Variants in ZNF532 observed in about 807,000 individuals in gnomAD.
The protein encoded by ZNF532 is zinc finger protein 532.
In ZNF532, 22 loss-of-function variants were observed where a neutral mutation model predicts 89.3. That is an observed-to-expected ratio of 0.25 (90% CI 0.18 to 0.35). ZNF532 has a LOEUF of 0.35. Ranked by LOEUF, ZNF532 falls within the 10% of genes least tolerant of loss-of-function variation. ZNF532 has a pLI of 1.00. For missense variants in ZNF532, 1,132 were observed against 1,643.4 expected, an observed-to-expected ratio of 0.69 and a Z score of 5.38; for synonymous variants, 606 against 649.6, an observed-to-expected ratio of 0.93 and a Z score of 1.02.
At chr18:58,904,428 C>CTATATTT (rs2059797803) in intron 2 of ZNF532, among the ~76,000 whole-genome samples, 1 of 151,808 alleles carries the variant, frequency 6.6e-6, no homozygotes, top group Admixed American at 6.6e-5. Context: ...TTAAAAAAAG[C>CTATATTT]TAAATGTACA....
At chr18:58,914,060 C>CA in intron 2 of ZNF532, among the ~76,000 whole-genome samples, 1 of 152,210 alleles carries the variant, frequency 6.6e-6, no homozygotes, top group Non-Finnish European at 1.5e-5. Context: ...AATTTTGTTA[C>CA]AAAGTATGAG....
chr18:58,979,584 C>T (rs559815099), intron 8 of ZNF532: 86 of 154,356 alleles, frequency 5.6e-4, no homozygotes, highest in Admixed American at 1.5e-3. Flanking sequence ...GACGGGGTTT[C>T]ACCGTGTTAG....
intron 2 of ZNF532, among the ~76,000 whole-genome samples, chr18:58,908,470 C>T (rs889073602): frequency 3.3e-5 from 5 of 152,104 alleles, no homozygotes; most frequent in African/African-American, 1.2e-4. Flanking sequence ...AATTCATCAG[C>T]TCCCTGCATC....
chr18:58,890,621 AAAGT>A (rs1399865082), intron 2 of ZNF532, among the ~76,000 whole-genome samples: 3 of 151,206 alleles, frequency 2.0e-5, no homozygotes, highest in Non-Finnish European at 4.4e-5. Flanking sequence ...AGAAATTTAA[AAAGT>A]AAGGAAGGAT....
intron 2 of ZNF532, among the ~76,000 whole-genome samples, chr18:58,914,653 C>G (rs2060483122): frequency 6.6e-6 from 1 of 152,176 alleles, no homozygotes; most frequent in African/African-American, 2.4e-5. Flanking sequence ...GTACTCCAGC[C>G]TGGGTGACAG....
At chr18:58,982,142 A>C (rs914376265) in intron 9 of ZNF532, among the ~76,000 whole-genome samples, 1 of 150,622 alleles carries the variant, frequency 6.6e-6, no homozygotes, top group African/African-American at 2.4e-5. Flanking sequence ...TACTAAAAAA[A>C]TACAATACAA....
At chr18:58,917,986 G>A (rs2060726668) in intron 2 of ZNF532, among the ~76,000 whole-genome samples, 1 of 152,138 alleles carries the variant, frequency 6.6e-6, no homozygotes, top group Non-Finnish European at 1.5e-5. Context: ...GTTTTTCTAG[G>A]CTACAGCAGT....
At position 58,920,258 on chromosome 18, in the gene ZNF532, C is replaced by T. The variant is rs375198211; in HGVS notation, c.1971C>T (p.Asn657=). 28 of 1,613,852 alleles carry T rather than the reference C, an allele frequency of 1.7e-5. No homozygotes were observed. Among genetic ancestry groups the T allele is most frequent in the Non-Finnish European group, 2.3e-5 (27 of 1,179,872 alleles). The stretch of plus-strand genomic sequence containing the variant: ...GTACAAAGAACCTCGTTTTTTACAA[C>T]AAATGCAGCCTCCTTTCCCATGCCC... The part of the protein sequence containing the change: ...NHCTKNLVFY[N]KCSLLSHARG... Residue 657 remains asparagine (N), a synonymous_variant, in exon 3 of 10, where the codon AAC becomes AAT. Coordinates refer to ENST00000591808, the MANE Select transcript of ZNF532 (RefSeq NM_001375912.1).
intron 2 of ZNF532, among the ~76,000 whole-genome samples, chr18:58,884,977 G>C (rs1466707502): frequency 3.9e-5 from 5 of 127,270 alleles, no homozygotes; most frequent in Non-Finnish European, 8.2e-5. Context: ...ACCAGTACAA[G>C]GGTTTTTTTT....
intron 2 of ZNF532, among the ~76,000 whole-genome samples, chr18:58,886,575 G>A (rs1214952423): frequency 2.0e-5 from 3 of 152,072 alleles, no homozygotes; most frequent in Non-Finnish European, 4.4e-5. Flanking sequence ...TTTATGCTAT[G>A]TGTATTTTTA....
At chr18:58,868,796 T>G (rs550315900) in intron 2 of ZNF532, among the ~76,000 whole-genome samples, 1 of 152,372 alleles carries the variant, frequency 6.6e-6, no homozygotes, top group South Asian at 2.1e-4. Context: ...TTTTGCTAAA[T>G]GCAGTCACGT....
intron 2 of ZNF532, among the ~76,000 whole-genome samples, chr18:58,868,816 T>C (rs1031262330): frequency 6.6e-6 from 1 of 152,244 alleles, no homozygotes; most frequent in Non-Finnish European, 1.5e-5. Context: ...TGTCGATTAA[T>C]GCAGGGGTAC....
At chr18:58,916,368 T>G (rs762343032) in intron 2 of ZNF532, among the ~76,000 whole-genome samples, 1 of 152,232 alleles carries the variant, frequency 6.6e-6, no homozygotes, top group African/African-American at 2.4e-5. Flanking sequence ...TCACAGACTT[T>G]CCACTGAATC....
intron 7 of ZNF532, among the ~76,000 whole-genome samples, chr18:58,959,269 T>A (rs1054909351): frequency 6.8e-6 from 1 of 146,666 alleles, no homozygotes; most frequent in African/African-American, 2.6e-5. Context: ...TGTTTTTTTT[T>A]GTTTTTTTTT....
At chr18:58,862,955 G>A (rs2144246019), upstream of ZNF532, 1 of 152,230 alleles carries the variant, frequency 6.6e-6, no homozygotes, top group East Asian at 1.9e-4. Context: ...AGGCGAAAAG[G>A]GCTCCAAACC....
intron 2 of ZNF532, among the ~76,000 whole-genome samples, chr18:58,873,719 A>C (rs1310045092): frequency 2.0e-5 from 3 of 152,136 alleles, no homozygotes; most frequent in Non-Finnish European, 4.4e-5. Context: ...GGGGTGAGCC[A>C]CTGCACCTGG....
At chr18:58,888,697 TTATATATATA>T (rs71336305) in intron 2 of ZNF532, among the ~76,000 whole-genome samples, 1 of 45,336 alleles carries the variant, frequency 2.2e-5, no homozygotes, top group Non-Finnish European at 3.4e-5. Context: ...AAAAAAAAAA[TTATATATATA>T]TATATATATA....
At chr18:58,978,921 T>A (rs2067377016) in intron 7 of ZNF532, 134 bp from the exon 8 acceptor site, 1 of 668,338 alleles carries the variant, frequency 1.5e-6, no homozygotes, top group Admixed American at 2.2e-5. Flanking sequence ...CCATGTGTAG[T>A]GTCATGTCAA....
chr18:58,920,399 T>G lies in ZNF532; in HGVS notation c.2112T>G (p.Thr704=). 6.2e-7 allele frequency: 1 copy of G among 1,613,882 alleles called. No individual in the cohort carries two copies. Residue 704 remains threonine (T), a synonymous_variant, in exon 3 of 10, where the codon ACT becomes ACG. Transcript: ENST00000591808. ...PSSNTSTSTS[T]LQSPVGAGTH... ...GCAATACTTCCACTTCAACTTCCACTCTTCAGAGCCCTGTGGGAGCTGGCA... is the reference window on the plus strand; with the variant it reads ...GCAATACTTCCACTTCAACTTCCACGCTTCAGAGCCCTGTGGGAGCTGGCA...
Sources: allele counts gnomAD v4.1 joint callset (sites outside exome capture counted in the v4.1 genomes callset), GRCh38; gene constraint gnomAD v4.1.1; transcripts MANE v1.5; gene names NCBI Gene and HGNC (gene_info 2026-07-23, HGNC 2026-07-21).